TSPAN3: variants seen among roughly 807,000 people sequenced by gnomAD.
TSPAN3 encodes the protein tetraspanin 3, also known as tetraspanin-3.
TSPAN3 carries 9 observed loss-of-function variants against 31.1 expected under a neutral mutation model. The observed-to-expected ratio is 0.29, with a 90% CI of 0.17 to 0.50. The LOEUF (loss-of-function observed/expected upper bound fraction) is 0.50. Ranked by LOEUF, TSPAN3 falls within the 20% of genes least tolerant of loss-of-function variation. TSPAN3 has a pLI of 0.98. For synonymous variants in TSPAN3, 129 were observed against 114.3 expected (o/e 1.13, Z -0.82); for missense variants, 252 against 313.5 (o/e 0.80, Z 1.48).
At chr15:77,067,174 A>G (rs2076838772) in intron 1 of TSPAN3, among the ~76,000 whole-genome samples, 1 of 152,186 alleles carries the variant, frequency 6.6e-6, no homozygotes, top group African/African-American at 2.4e-5. Flanking sequence ...GAGTTTTATA[A>G]AGGACAAACA....
rs1052115776 is a variant in TSPAN3, at chr15:77,043,150, T to G, written c.*3685A>C. 3.3e-5 allele frequency: 5 copies of G among 152,210 alleles called. No individual in the cohort carries two copies. Among genetic ancestry groups the G allele is most frequent in the African/African-American group, 1.2e-4 (5 of 41,346 alleles). The allele number at this position is 152,210 out of a possible 1,614,324, so 9.4% of individuals were successfully genotyped here. On this transcript the variant is annotated 3_prime_UTR_variant, in exon 7 of 7. Coordinates refer to ENST00000267970, the MANE Select transcript of TSPAN3 (RefSeq NM_005724.6). ...TTGGCGGGGGGGCACCTCCAGTAAG[T>G]TGATTCTCCAGCATGGGACAGGCAG...
In TSPAN3 at chr15:77,065,546, C is replaced by T. The variant is rs572525871; in HGVS notation, c.63+5346G>A. On this transcript the variant is annotated intron_variant, in intron 1 of 6. Coordinates refer to ENST00000267970, the MANE Select transcript of TSPAN3 (RefSeq NM_005724.6). The stretch of plus-strand genomic sequence containing the variant: ...GGTTCACGCCATGCTCCTGCCTCAG[C>T]CTCCCGAGTAGCTGGGACTACAAGT... Among the ~76,000 whole-genome samples, 13 of 152,254 alleles carry T rather than the reference C, an allele frequency of 8.5e-5. No individual in the cohort carries two copies. In the South Asian group the frequency reaches 2.7e-3, roughly 32 times the overall value.
At chr15:77,056,330 A>C in intron 1 of TSPAN3, 75 bp from the exon 2 acceptor site, 1 of 1,187,306 alleles carries the variant, frequency 8.4e-7, no homozygotes, top group Non-Finnish European at 1.2e-6. Context: ...AGTATGGTAT[A>C]ATTTAATGAG....
chr15:77,061,747 A>T (rs976646332), intron 1 of TSPAN3, among the ~76,000 whole-genome samples: 1 of 152,220 alleles, frequency 6.6e-6, no homozygotes, highest in Non-Finnish European at 1.5e-5. Flanking sequence ...GCGAAGCTGA[A>T]GCAAAGAATA....
At chr15:77,068,550 T>G (rs556949160) in intron 1 of TSPAN3, among the ~76,000 whole-genome samples, 2 of 152,142 alleles carry the variant, frequency 1.3e-5, no homozygotes, top group Non-Finnish European at 2.9e-5. Context: ...TTCTTCAAAA[T>G]CAAATAGTTA....
At position 77,054,172 on chromosome 15, in the gene TSPAN3, G is replaced by A; in HGVS notation, c.432+6C>T. 1 of 1,610,574 alleles carries A rather than the reference G, an allele frequency of 6.2e-7. No individual in the cohort carries two copies. The highest frequency in any genetic ancestry group is 8.5e-7 in the Non-Finnish European group (1 of 1,177,004). On this transcript the variant is annotated splice_donor_region_variant and intron_variant, in intron 4 of 6. Transcript: ENST00000267970. Reference sequence around the variant, plus strand: ...TCAAAAACAAATCTGCCTCAAGAAAGCTCACCTGTCTCTGTACATAATCAA... The same window carrying A: ...TCAAAAACAAATCTGCCTCAAGAAAACTCACCTGTCTCTGTACATAATCAA...
intron 3 of TSPAN3, 128 bp from the exon 4 acceptor site, chr15:77,054,407 T>C: frequency 1.6e-6 from 1 of 644,296 alleles, no homozygotes; most frequent in Non-Finnish European, 2.7e-6. Context: ...CCTGTAAAGT[T>C]TTCTCCCTTC....
In TSPAN3 at chr15:77,057,858, T is replaced by A. The variant is rs556568333; in HGVS notation, c.64-1603A>T. Reference sequence around the variant, plus strand: ...ATCATCTCAGAACTACACATTTCCATCTGCAAGTTCCAGAGACATGTCATC... The same window carrying A: ...ATCATCTCAGAACTACACATTTCCAACTGCAAGTTCCAGAGACATGTCATC... On this transcript the variant is annotated intron_variant, in intron 1 of 6. Coordinates refer to ENST00000267970, the MANE Select transcript of TSPAN3 (RefSeq NM_005724.6). 7.9e-5 allele frequency among the ~76,000 whole-genome samples: 12 copies of A among 152,312 alleles called. 1 individual carries two copies. The South Asian group carries it at 2.5e-3, about 32-fold the overall frequency.
At chr15:77,055,715 G>C (rs1441704058) in intron 3 of TSPAN3, 74 bp downstream of exon 3, 5 of 1,131,574 alleles carry the variant, frequency 4.4e-6, no homozygotes, top group African/African-American at 3.1e-5. Context: ...CTGATAAAAT[G>C]AATGTGTTCT....
Position 77,044,522 on chromosome 15 carries a change from G to A in TSPAN3, c.*2313C>T, listed in dbSNP as rs553144969. The A allele has an allele frequency of 2.0e-5, 3 of 152,172 alleles. No homozygotes were observed. The highest frequency in any genetic ancestry group is 7.2e-5 in the African/African-American group (3 of 41,432). 9.4% of individuals were successfully genotyped at this position (152,172 alleles called of 1,614,324 possible). On this transcript the variant is annotated 3_prime_UTR_variant, in exon 7 of 7. Coordinates refer to ENST00000267970, the MANE Select transcript of TSPAN3 (RefSeq NM_005724.6). ...AGCTGGAATGGTTTCCCAGACCTCA[G>A]AGCTACCTCCCCACCTCCATCTTTT... is the stretch of plus-strand genomic sequence containing the variant.
intron 3 of TSPAN3, 80 bp downstream of exon 3, chr15:77,055,709 T>A: frequency 1.8e-6 from 2 of 1,116,362 alleles, no homozygotes; most frequent in Non-Finnish European, 2.6e-6. Context: ...TTTACTCTGA[T>A]AAAATGAATG....
chr15:77,054,367 G>A (rs2076754300), intron 3 of TSPAN3, 88 bp from the exon 4 acceptor site: 1 of 924,928 alleles, frequency 1.1e-6, no homozygotes, highest in African/African-American at 1.6e-5. Flanking sequence ...TAAATGAAAT[G>A]TTTGCAAGTT....
In TSPAN3 at chr15:77,045,076, T is replaced by C. The variant is rs1199180888; in HGVS notation, c.*1759A>G. 6.6e-6 allele frequency: 1 copy of C among 152,170 alleles called. No homozygotes were observed. Among genetic ancestry groups the C allele is most frequent in the Non-Finnish European group, 1.5e-5 (1 of 68,054 alleles). 9.4% of individuals were successfully genotyped at this position (152,170 alleles called of 1,614,324 possible). On this transcript the variant is annotated 3_prime_UTR_variant, in exon 7 of 7. Transcript: ENST00000267970. Reference sequence around the variant, plus strand: ...TCAGGTGGGACAGATCTGCATGATATTTGGGCATCTCAAAACTGACGAGCC... The same window carrying C: ...TCAGGTGGGACAGATCTGCATGATACTTGGGCATCTCAAAACTGACGAGCC...
intron 6 of TSPAN3, among the ~76,000 whole-genome samples, chr15:77,051,786 A>G (rs147842077): frequency 0.013 from 1,995 of 152,220 alleles, 55 homozygotes; most frequent in African/African-American, 0.046. Flanking sequence ...TGAGCCCAGG[A>G]GTTCAAAGTT....
At chr15:77,061,538 A>G (rs943913191) in intron 1 of TSPAN3, among the ~76,000 whole-genome samples, 2 of 149,460 alleles carry the variant, frequency 1.3e-5, no homozygotes, top group Non-Finnish European at 3.0e-5. Flanking sequence ...CAAAAAATTA[A>G]AAAAAAAAAA....
rs1052691426 is a variant in TSPAN3, at chr15:77,054,270, C to G, written c.340G>C (p.Glu114Gln). 7 of 1,612,058 alleles carry G rather than the reference C, an allele frequency of 4.3e-6. No homozygotes were observed. The highest frequency in any genetic ancestry group is 5.1e-6 in the Non-Finnish European group (6 of 1,178,376). ...GYVYRAKVEN[E>Q]VDRSIQKVYK... ...ACTTTCTGAATGCTGCGATCAACCT[C>G]ATTTTCCACCTGAATCAGAACAAAG... The change falls in exon 4 of 7, where the codon GAG becomes CAG. Residue 114 changes from glutamate (E) to glutamine (Q), a missense_variant. Physicochemically the swap from Glu to Gln is conservative, Grantham distance 29. Coordinates refer to ENST00000267970, the MANE Select transcript of TSPAN3 (RefSeq NM_005724.6).
chr15:77,065,274 A>C lies in TSPAN3; in HGVS notation c.63+5618T>G, dbSNP rs549328667. On this transcript the variant is annotated intron_variant, in intron 1 of 6. Coordinates refer to ENST00000267970, the MANE Select transcript of TSPAN3 (RefSeq NM_005724.6). ...TTTTTGTGTGTCTTGCTTCACCGGA[A>C]AGTAAGTTCTGTAAGAATAGGGATT... is the stretch of plus-strand genomic sequence containing the variant. 4.6e-5 allele frequency among the ~76,000 whole-genome samples: 7 copies of C among 152,260 alleles called. No homozygotes were observed. In the East Asian group the frequency reaches 1.4e-3, roughly 29 times the overall value.
chr15:77,061,383 C>T (rs1403074857), intron 1 of TSPAN3, among the ~76,000 whole-genome samples: 1 of 149,142 alleles, frequency 6.7e-6, no homozygotes, highest in Non-Finnish European at 1.5e-5. Flanking sequence ...CAAAATTAGC[C>T]GGGCGTGGTG....
At position 77,044,929 on chromosome 15, in the gene TSPAN3, T is replaced by TG. The variant is rs1304476924; in HGVS notation, c.*1905dup. ...CTGTGCAACAGGCAGGGGCAAGAGG[T>TG]GGGATGGGTCAGTAGTCACATGATA... On this transcript the variant is annotated 3_prime_UTR_variant, in exon 7 of 7. Coordinates refer to ENST00000267970, the MANE Select transcript of TSPAN3 (RefSeq NM_005724.6). The TG allele has an allele frequency of 1.3e-5, 2 of 152,000 alleles. No homozygotes were observed. Among genetic ancestry groups the TG allele is most frequent in the African/African-American group, 4.8e-5 (2 of 41,346 alleles). The allele number at this position is 152,000 out of a possible 1,614,324, so 9.4% of individuals were successfully genotyped here. A position where few individuals can be genotyped will look rare whatever the true frequency, so the allele number is the denominator to read the frequency against.
Sources: allele counts gnomAD v4.1 joint callset (sites outside exome capture counted in the v4.1 genomes callset), GRCh38; gene constraint gnomAD v4.1.1; transcripts MANE v1.5; gene names NCBI Gene and HGNC (gene_info 2026-07-23, HGNC 2026-07-21).